Variants in IDI1 observed in about 807,000 individuals in gnomAD.
IDI1 encodes isopentenyl-diphosphate Delta-isomerase 1.
IDI1 carries 23 observed loss-of-function variants against 32.9 expected under a neutral mutation model. The observed-to-expected ratio is 0.70, with a 90% CI of 0.50 to 0.99. IDI1 has a LOEUF of 0.99. IDI1 is among the 50% of genes least tolerant of loss of function. The pLI, the probability that IDI1 is intolerant of heterozygous loss-of-function variation, is 0.00. For synonymous variants in IDI1, 133 were observed against 128.2 expected, an observed-to-expected ratio of 1.04 and a Z score of -0.25; for missense variants, 326 against 351.9, an observed-to-expected ratio of 0.93 and a Z score of 0.59.
At chr10:1,054,830 AT>A in the IDI1 span, among the ~76,000 whole-genome samples, 1 of 152,358 alleles carries the variant, frequency 6.6e-6, no homozygotes, top group Admixed American at 6.5e-5. Flanking sequence ...ACATGAGGTC[AT>A]ATTAAAGTAG....
chr10:1,051,279 C>T (rs1357047202), upstream of IDI1, among the ~76,000 whole-genome samples: 1 of 152,226 alleles, frequency 6.6e-6, no homozygotes, highest in African/African-American at 2.4e-5. Context: ...AGTATTGTAG[C>T]ACTGGCTTCC....
chr10:1,048,598 T>C (rs1832876214), intron 1 of IDI1: 1 of 1,385,360 alleles, frequency 7.2e-7, no homozygotes, highest in Non-Finnish European at 9.3e-7. Context: ...CAGACGACGA[T>C]CTTTTCCGCT....
In IDI1 at chr10:1,039,731, C is replaced by T. The variant is rs1013513665; in HGVS notation, c.*1456G>A. ...GGTAGCAGTCTAAGGGTCCCATGTC[C>T]AATTCAGTAGCCATGGCAACTCATA... On this transcript the variant is annotated 3_prime_UTR_variant, in exon 5 of 5. Coordinates refer to ENST00000381344, the MANE Select transcript of IDI1 (RefSeq NM_004508.4). The T allele has an allele frequency of 2.0e-5, 3 of 152,134 alleles. No individual in the cohort carries two copies. The highest frequency in any genetic ancestry group is 4.4e-5 in the Non-Finnish European group (3 of 68,024). 9.4% of individuals were successfully genotyped at this position (152,134 alleles called of 1,614,324 possible). A position where few individuals can be genotyped will look rare whatever the true frequency, so the allele number is the denominator to read the frequency against.
chr10:1,045,083 C>T (rs192169518), intron 1 of IDI1, among the ~76,000 whole-genome samples: 13 of 152,384 alleles, frequency 8.5e-5, no homozygotes, highest in African/African-American at 2.6e-4. Context: ...GCTCACAGGA[C>T]GTAACAACAG....
At chr10:1,056,525 T>C in the IDI1 span, 1 of 152,074 alleles carries the variant, frequency 6.6e-6, no homozygotes, top group Non-Finnish European at 1.5e-5. Context: ...CCGCCCCGGC[T>C]GCCGGGCTAC....
chr10:1,048,310 T>C (rs970670314), intron 1 of IDI1: 1 of 1,304,524 alleles, frequency 7.7e-7, no homozygotes. Context: ...GAAAAAGGTC[T>C]AGTTCCATCT....
At chr10:1,051,106 G>A (rs929649940), upstream of IDI1, among the ~76,000 whole-genome samples, 3 of 152,268 alleles carry the variant, frequency 2.0e-5, no homozygotes, top group South Asian at 2.1e-4. Flanking sequence ...CTATTTTCCT[G>A]TGCGTGATGT....
Position 1,049,065 on chromosome 10 carries a change from G to A in IDI1, c.-62C>T. 1 of 1,443,504 alleles carries A rather than the reference G, an allele frequency of 6.9e-7. No homozygotes were observed. Among genetic ancestry groups the A allele is most frequent in the Non-Finnish European group, 9.0e-7 (1 of 1,106,754 alleles). The allele number at this position is 1,443,504 out of a possible 1,614,324, so 89.4% of individuals were successfully genotyped here. A position where few individuals can be genotyped will look rare whatever the true frequency, so the allele number is the denominator to read the frequency against. On this transcript the variant is annotated 5_prime_UTR_variant, in exon 1 of 5. Transcript: ENST00000381344. ...ACAATCTCGCCAAGCTTCGCCTGGTGGTGCCACCTCCCTGGCCTGTGACAA... is the reference window on the plus strand; with the variant it reads ...ACAATCTCGCCAAGCTTCGCCTGGTAGTGCCACCTCCCTGGCCTGTGACAA...
intron 3 of IDI1, 70 bp from the exon 4 acceptor site, chr10:1,042,832 T>C: frequency 7.5e-7 from 1 of 1,337,904 alleles, no homozygotes; most frequent in Non-Finnish European, 1.1e-6. Context: ...AGAAAAAGTT[T>C]TATAAGTAAC....
intron 2 of IDI1, 101 bp from the exon 3 acceptor site, chr10:1,043,494 T>C (rs749190355): frequency 1.3e-6 from 1 of 782,192 alleles, no homozygotes; most frequent in South Asian, 1.4e-5. Context: ...TTGCTGCTGC[T>C]TTTGCTTTTT....
chr10:1,048,810 T>G, intron 1 of IDI1, 54 bp downstream of exon 1: 1 of 1,576,770 alleles, frequency 6.3e-7, no homozygotes, highest in South Asian at 1.1e-5. Flanking sequence ...GTCCCGCAGC[T>G]CCCCGATGCC....
At chr10:1,050,997 G>T (rs1164543879), upstream of IDI1, among the ~76,000 whole-genome samples, 1 of 152,148 alleles carries the variant, frequency 6.6e-6, no homozygotes, top group Non-Finnish European at 1.5e-5. Flanking sequence ...AACACGAGTG[G>T]TGGATTTTCC....
chr10:1,052,203 C>G (rs1833032483), upstream of IDI1, among the ~76,000 whole-genome samples: 2 of 152,208 alleles, frequency 1.3e-5, no homozygotes, highest in South Asian at 4.1e-4. Flanking sequence ...TCAATCCTCT[C>G]AAACCCTGCT....
chr10:1,048,217 A>C, intron 1 of IDI1: 2 of 1,294,364 alleles, frequency 1.5e-6, no homozygotes, highest in Middle Eastern at 2.1e-4. Context: ...TAAGCTGCAT[A>C]ATCACAAGAT....
chr10:1,041,374 T>C lies in IDI1; in HGVS notation c.668A>G (p.Asn223Ser), dbSNP rs781726694. 2 of 1,613,632 alleles carry C rather than the reference T, an allele frequency of 1.2e-6. No individual in the cohort carries two copies. Among genetic ancestry groups the C allele is most frequent in the Non-Finnish European group, 8.5e-7 (1 of 1,179,618 alleles). Residue 223 changes from asparagine to serine, a missense_variant, in exon 5 of 5, where the codon AAT (asparagine) becomes AGT (serine). Around this residue, in one of 2 missense-constraint regions of IDI1, gnomAD observed 205 missense variants for 273.5 expected, o/e 0.75. Transcript: ENST00000381344. The stretch of plus-strand genomic sequence containing the variant: ...CACATAACAATAGCTTTTAATCTCA[T>C]TGGGATCTGGATTCAAAGTTACATT... ...RKNVTLNPDP[N>S]EIKSYCYVSK... is the part of the protein sequence containing the mutation.
intron 1 of IDI1, among the ~76,000 whole-genome samples, chr10:1,046,542 C>A (rs12784983): frequency 0.78 from 30,073 of 38,534 alleles, 10,966 homozygotes; most frequent in South Asian, 0.82. Context: ...TACACCACAC[C>A]GCCCAGCTGC....
intron 3 of IDI1, 35 bp from the exon 4 acceptor site, chr10:1,042,797 T>G (rs1338186485): frequency 1.3e-6 from 2 of 1,593,990 alleles, no homozygotes; most frequent in Non-Finnish European, 1.7e-6. Context: ...GATCAACTTT[T>G]CTTCAAAGTA....
chr10:1,045,906 T>A (rs1017398623), intron 1 of IDI1, among the ~76,000 whole-genome samples: 8 of 151,508 alleles, frequency 5.3e-5, no homozygotes, highest in Admixed American at 3.3e-4. Context: ...AATGCGTGTG[T>A]CAGGAGTCAG....
At chr10:1,043,220 G>T (rs1832670058) in intron 3 of IDI1, 81 bp downstream of exon 3, 2 of 861,596 alleles carry the variant, frequency 2.3e-6, no homozygotes, top group Non-Finnish European at 3.9e-6. Context: ...TTCCCTTTGT[G>T]ACCTTGGCTC....
Sources: allele counts gnomAD v4.1 joint callset (sites outside exome capture counted in the v4.1 genomes callset), GRCh38; gene constraint gnomAD v4.1.1; regional missense constraint gnomAD v4.1.1; transcripts MANE v1.5; gene names NCBI Gene and HGNC (gene_info 2026-07-23, HGNC 2026-07-21).